ARHGEF38: variants seen among roughly 807,000 people sequenced by gnomAD.
The protein encoded by ARHGEF38 is Rho guanine nucleotide exchange factor (GEF) 38.
A neutral mutation model predicts 79.9 loss-of-function variants in ARHGEF38; 79 were observed. That is an observed-to-expected ratio of 0.99 (90% CI 0.82 to 1.19). ARHGEF38 has a LOEUF of 1.19. Ranked by LOEUF, ARHGEF38 falls within the 50% of genes most tolerant of loss-of-function variation. ARHGEF38 has a pLI of 0.00. For missense variants in ARHGEF38, 962 were observed against 907.2 expected (o/e 1.06, Z -0.78); for synonymous variants, 366 against 328.3 (o/e 1.11, Z -1.24).
rs1725218393 is a variant in ARHGEF38, at chr4:105,555,622, C to T, written c.196+2661C>T. On this transcript the variant is annotated intron_variant, in intron 1 of 13. Coordinates refer to ENST00000420470, the MANE Select transcript of ARHGEF38 (RefSeq NM_001242729.2). ...GCCCTCAGATAGATGGCCTAAAGCT[C>T]TTGTGAGGTCAAAGAGTGCTTTCAA... 2.6e-5 allele frequency among the ~76,000 whole-genome samples: 4 copies of T among 152,162 alleles called. No individual in the cohort carries two copies. The South Asian group carries it at 8.3e-4, about 32-fold the overall frequency.
intron 1 of ARHGEF38, among the ~76,000 whole-genome samples, chr4:105,556,538 G>A (rs1238226833): frequency 1.3e-5 from 2 of 152,030 alleles, no homozygotes; most frequent in African/African-American, 2.4e-5. Context: ...TAAGAGAATG[G>A]CATTTTAACC....
At chr4:105,623,674 T>C (rs1728829716) in intron 3 of ARHGEF38, among the ~76,000 whole-genome samples, 1 of 152,210 alleles carries the variant, frequency 6.6e-6, no homozygotes. Context: ...GCAGCTGTAT[T>C]TTTAAATGTT....
intron 3 of ARHGEF38, among the ~76,000 whole-genome samples, chr4:105,623,303 T>C (rs551575339): frequency 6.6e-6 from 1 of 152,344 alleles, no homozygotes; most frequent in East Asian, 1.9e-4. Flanking sequence ...TCACTGAGTC[T>C]GTCTGTGGTC....
chr4:105,571,474 C>A (rs1726230871), intron 1 of ARHGEF38, among the ~76,000 whole-genome samples: 1 of 151,990 alleles, frequency 6.6e-6, no homozygotes, highest in Non-Finnish European at 1.5e-5. Flanking sequence ...AGGCGCCCAC[C>A]ACCATGCCCA....
At chr4:105,611,312 T>C (rs967338940) in intron 2 of ARHGEF38, among the ~76,000 whole-genome samples, 1 of 152,060 alleles carries the variant, frequency 6.6e-6, no homozygotes, top group African/African-American at 2.4e-5. Flanking sequence ...TTTTAAGAAA[T>C]ATACAATCAG....
At chr4:105,595,313 A>C (rs1050777082) in intron 2 of ARHGEF38, among the ~76,000 whole-genome samples, 1 of 152,154 alleles carries the variant, frequency 6.6e-6, no homozygotes, top group Non-Finnish European at 1.5e-5. Flanking sequence ...ATTTACTCAT[A>C]TTTGGTTTAA....
rs1247201972 is a variant in ARHGEF38 at position 105,645,845 on chromosome 4, C to G, written c.874+458C>G. The stretch of plus-strand genomic sequence containing the variant: ...TGGTTCTGGCACACAGAGAATGGAG[C>G]TTTTGTGGCAATAATTTCTCTACTG... On this transcript the variant is annotated intron_variant, in intron 6 of 13. Transcript: ENST00000420470. 2.0e-5 allele frequency among the ~76,000 whole-genome samples: 3 copies of G among 152,164 alleles called. No homozygotes were observed. In the South Asian group the frequency reaches 6.2e-4, roughly 32 times the overall value.
At position 105,671,192 on chromosome 4, in the gene ARHGEF38, A is replaced by G. The variant is rs545413052; in HGVS notation, c.2148+3489A>G. Among the ~76,000 whole-genome samples the G allele has an allele frequency of 3.3e-5, 5 of 152,366 alleles. No individual in the cohort carries two copies. In the East Asian group the frequency reaches 7.7e-4, roughly 23 times the overall value. On this transcript the variant is annotated intron_variant, in intron 13 of 13. Coordinates refer to ENST00000420470, the MANE Select transcript of ARHGEF38 (RefSeq NM_001242729.2). ...AGGAATATAAATATAAGCACATATA[A>G]GCATTATTACTAATAAAACTGGATT... is the stretch of plus-strand genomic sequence containing the variant.
At chr4:105,652,786 T>TA (rs1730159711) in intron 7 of ARHGEF38, among the ~76,000 whole-genome samples, 2 of 152,330 alleles carry the variant, frequency 1.3e-5, no homozygotes, top group South Asian at 4.1e-4. Context: ...ATAGCAACCC[T>TA]AAGGCACAGA....
intron 7 of ARHGEF38, 119 bp downstream of exon 7, chr4:105,648,801 A>G: frequency 2.1e-6 from 2 of 964,094 alleles, no homozygotes; most frequent in South Asian, 4.1e-5. Flanking sequence ...TAATTGCCCT[A>G]TGCTGTTCTC....
At chr4:105,553,108 G>A (rs1291107334) in intron 1 of ARHGEF38, 147 bp downstream of exon 1, 5 of 615,518 alleles carry the variant, frequency 8.1e-6, no homozygotes, top group African/African-American at 3.8e-5. Context: ...GAAAGTAAAT[G>A]TGACCTATAA....
intron 3 of ARHGEF38, among the ~76,000 whole-genome samples, chr4:105,617,578 C>T (rs1476039892): frequency 6.6e-6 from 1 of 152,100 alleles, no homozygotes; most frequent in Non-Finnish European, 1.5e-5. Flanking sequence ...ACAAATCAAC[C>T]AGAGTGTCCT....
At chr4:105,566,104 T>C (rs1401305100) in intron 1 of ARHGEF38, among the ~76,000 whole-genome samples, 1 of 152,174 alleles carries the variant, frequency 6.6e-6, no homozygotes, top group Non-Finnish European at 1.5e-5. Context: ...ATCATGTCCC[T>C]CATTTATTAA....
intron 2 of ARHGEF38, among the ~76,000 whole-genome samples, chr4:105,610,028 TA>T (rs1381571130): frequency 2.6e-5 from 4 of 152,028 alleles, no homozygotes; most frequent in Middle Eastern, 3.2e-3. Context: ...TATGCAGCCA[TA>T]AAAAGGAATT....
intron 6 of ARHGEF38, among the ~76,000 whole-genome samples, chr4:105,646,312 C>CTATA (rs1250305598): frequency 6.6e-6 from 1 of 152,046 alleles, no homozygotes; most frequent in Non-Finnish European, 1.5e-5. Flanking sequence ...ACTGTCCAGA[C>CTATA]TATATAATCA....
At chr4:105,611,354 T>G (rs541292941) in intron 2 of ARHGEF38, among the ~76,000 whole-genome samples, 16 of 152,074 alleles carry the variant, frequency 1.1e-4, no homozygotes, top group Non-Finnish European at 2.1e-4. Context: ...TATAAAACTT[T>G]GATTCATACA....
intron 3 of ARHGEF38, among the ~76,000 whole-genome samples, chr4:105,620,783 A>G (rs1728707092): frequency 1.3e-5 from 2 of 152,006 alleles, no homozygotes; most frequent in Non-Finnish European, 2.9e-5. Flanking sequence ...GTCTCCAAAG[A>G]TGGCCCTCAA....
chr4:105,614,352 C>T (rs1457119758), intron 3 of ARHGEF38, among the ~76,000 whole-genome samples: 1 of 152,110 alleles, frequency 6.6e-6, no homozygotes, highest in Non-Finnish European at 1.5e-5. Flanking sequence ...TATATCCCTC[C>T]AATGCCACTG....
chr4:105,631,104 T>G, intron 4 of ARHGEF38, 59 bp downstream of exon 4: 1 of 1,546,238 alleles, frequency 6.5e-7, no homozygotes, highest in Non-Finnish European at 8.7e-7. Context: ...AGGGAACATT[T>G]TAAATGGATG....
Sources: allele counts gnomAD v4.1 joint callset (sites outside exome capture counted in the v4.1 genomes callset), GRCh38; gene constraint gnomAD v4.1.1; transcripts MANE v1.5; gene names NCBI Gene and HGNC (gene_info 2026-07-23, HGNC 2026-07-21).